Variants in EMID1 observed in about 807,000 individuals in gnomAD.
EMID1 encodes the protein EMI domain-containing protein 1.
A neutral mutation model predicts 60.6 loss-of-function variants in EMID1; 40 were observed. That is an observed-to-expected ratio of 0.66 (90% CI 0.51 to 0.86). The LOEUF (loss-of-function observed/expected upper bound fraction) is 0.86. Among genes scored for constraint, EMID1 ranks in the 40% least tolerant of loss-of-function variants. The pLI is 0.00. For missense variants in EMID1, 585 were observed against 597.1 expected (o/e 0.98, Z 0.21); for synonymous variants, 242 against 231.0 (o/e 1.05, Z -0.43).
At chr22:29,244,900 T>A (rs1455325695) in intron 13 of EMID1, among the ~76,000 whole-genome samples, 1 of 152,118 alleles carries the variant, frequency 6.6e-6, no homozygotes, top group Non-Finnish European at 1.5e-5. Context: ...TAGGAAGCTC[T>A]TTTTGGCGGT....
chr22:29,245,614 G>C (rs977547222), intron 13 of EMID1, among the ~76,000 whole-genome samples: 2 of 152,196 alleles, frequency 1.3e-5, no homozygotes, highest in African/African-American at 4.8e-5. Flanking sequence ...TGGGAATGAG[G>C]TTCAGTGCTG....
intron 13 of EMID1, among the ~76,000 whole-genome samples, chr22:29,252,072 G>C (rs2041548443): frequency 6.6e-6 from 1 of 152,212 alleles, no homozygotes; most frequent in Non-Finnish European, 1.5e-5. Flanking sequence ...GCCTCCCAAA[G>C]CACTGAGATT....
chr22:29,229,296 A>G (rs925794755), intron 5 of EMID1, among the ~76,000 whole-genome samples: 2 of 152,006 alleles, frequency 1.3e-5, no homozygotes, highest in Non-Finnish European at 2.9e-5. Flanking sequence ...TCGTGATAGC[A>G]CCACTGCACT....
chr22:29,205,911 T>C lies in EMID1; in HGVS notation c.-128T>C. 1 of 322,730 alleles carries C rather than the reference T, an allele frequency of 3.1e-6. No homozygotes were observed. Among genetic ancestry groups the C allele is most frequent in the Non-Finnish European group, 4.4e-6 (1 of 226,818 alleles). 20.0% of individuals were successfully genotyped at this position (322,730 alleles called of 1,614,324 possible). A position where few individuals can be genotyped will look rare whatever the true frequency, so the allele number is the denominator to read the frequency against. On this transcript the variant is annotated 5_prime_UTR_variant, in exon 1 of 15. Transcript: ENST00000334018. Reference sequence around the variant, plus strand: ...CCGCCCGCCCGCCTCCTGCCCGCCCTCCGGCCGCGGAGCTGGAAACCGGGC... The same window carrying C: ...CCGCCCGCCCGCCTCCTGCCCGCCCCCCGGCCGCGGAGCTGGAAACCGGGC...
intron 3 of EMID1, among the ~76,000 whole-genome samples, chr22:29,217,339 A>G (rs2040124944): frequency 6.6e-6 from 1 of 152,232 alleles, no homozygotes; most frequent in Non-Finnish European, 1.5e-5. Context: ...CAGGCAATGG[A>G]GCCAGGCCAG....
At chr22:29,206,389 G>A (rs539807587) in intron 1 of EMID1, among the ~76,000 whole-genome samples, 3 of 152,330 alleles carry the variant, frequency 2.0e-5, no homozygotes, top group Admixed American at 1.3e-4. Flanking sequence ...GGGAAGGGGC[G>A]CAACGAGGGC....
At chr22:29,219,362 C>T (rs2040204259) in intron 3 of EMID1, among the ~76,000 whole-genome samples, 2 of 152,140 alleles carry the variant, frequency 1.3e-5, no homozygotes, top group African/African-American at 4.8e-5. Context: ...GCCTCTGCTT[C>T]CCCCTCATAG....
chr22:29,243,022 G>A (rs532920289), intron 12 of EMID1, among the ~76,000 whole-genome samples: 4 of 152,164 alleles, frequency 2.6e-5, no homozygotes, highest in African/African-American at 4.8e-5. Context: ...GAACATTTAT[G>A]CAGATTTAGT....
Position 29,247,669 on chromosome 22 carries a change from C to T in EMID1, c.1119+4180C>T, listed in dbSNP as rs536242849. Among the ~76,000 whole-genome samples, 28 of 152,326 alleles carry T rather than the reference C, an allele frequency of 1.8e-4. No individual in the cohort carries two copies. The South Asian group carries it at 2.7e-3, about 15-fold the overall frequency. Reference sequence around the variant, plus strand: ...TGTTTAGGACAAAATCTTGCTCTGTCGCCCAGGGTGGAGTGCAGTGGTGTG... The same window carrying T: ...TGTTTAGGACAAAATCTTGCTCTGTTGCCCAGGGTGGAGTGCAGTGGTGTG... On this transcript the variant is annotated intron_variant, in intron 13 of 14. Transcript: ENST00000334018.
At chr22:29,254,711 A>G in intron 14 of EMID1, 1 of 199,084 alleles carries the variant, frequency 5.0e-6, no homozygotes, top group Non-Finnish European at 1.0e-5. Flanking sequence ...GGACAACAGG[A>G]GGATTATAGG....
chr22:29,209,114 C>T (rs569674101), intron 1 of EMID1, among the ~76,000 whole-genome samples: 2 of 152,216 alleles, frequency 1.3e-5, no homozygotes, highest in Admixed American at 6.5e-5. Flanking sequence ...GCCCCGGGCC[C>T]GCTTGGCTGC....
chr22:29,243,196 G>C (rs2041214066), intron 12 of EMID1, among the ~76,000 whole-genome samples: 1 of 152,172 alleles, frequency 6.6e-6, no homozygotes, highest in Non-Finnish European at 1.5e-5. Flanking sequence ...AGGAAAAGCT[G>C]TAAATACATG....
rs2040732017 is a variant in EMID1, at chr22:29,231,324, A to G, written c.586+184A>G. On this transcript the variant is annotated intron_variant, in intron 6 of 14. Coordinates refer to ENST00000334018, the MANE Select transcript of EMID1 (RefSeq NM_133455.4). ...GTCTCCTGGGACTCCTGAATGCTGC[A>G]GTCCCTGGAGACCAAGCAGCCCCAG... 7 of 971,130 alleles carry G rather than the reference A, an allele frequency of 7.2e-6. No homozygotes were observed. The East Asian group carries it at 1.9e-4, about 26-fold the overall frequency. The allele number at this position is 971,130 out of a possible 1,614,324, so 60.2% of individuals were successfully genotyped here.
At position 29,233,462 on chromosome 22, in the gene EMID1, C is replaced by T; in HGVS notation, c.907C>T (p.Pro303Ser). ...CACTGGGCCTCCAGGCCCTCCAGGG[C>T]CCATGGGTAAGTTGAGTCCAGGCCA... ...GPTGPPGPPG[P>S]MGPPGPPGPT... The change falls in exon 9 of 15, where the codon CCC becomes TCC. Residue 303 changes from proline to serine, a missense_variant. Pro to Ser is a moderately conservative substitution (Grantham distance 74, BLOSUM62 -1). Transcript: ENST00000334018. 6.2e-7 allele frequency: 1 copy of T among 1,614,144 alleles called. No individual in the cohort carries two copies. Among genetic ancestry groups the T allele is most frequent in the Non-Finnish European group, 8.5e-7 (1 of 1,179,976 alleles).
chr22:29,223,934 T>C (rs1024242793), intron 3 of EMID1, among the ~76,000 whole-genome samples: 1 of 152,242 alleles, frequency 6.6e-6, no homozygotes, highest in African/African-American at 2.4e-5. Flanking sequence ...AGCCAGGCTA[T>C]ACAAGGTCCT....
At chr22:29,213,339 G>A (rs891093952) in intron 1 of EMID1, among the ~76,000 whole-genome samples, 2 of 152,110 alleles carry the variant, frequency 1.3e-5, no homozygotes, top group African/African-American at 4.8e-5. Flanking sequence ...CCTCTGCATG[G>A]GATGGCTGGC....
intron 12 of EMID1, among the ~76,000 whole-genome samples, chr22:29,239,757 C>CA (rs1422580836): frequency 7.0e-6 from 1 of 143,840 alleles, no homozygotes; most frequent in African/African-American, 2.5e-5. Flanking sequence ...GATTAGATCT[C>CA]AGTCTTTTTT....
chr22:29,223,346 G>A (rs916692076), intron 3 of EMID1, among the ~76,000 whole-genome samples: 4 of 152,222 alleles, frequency 2.6e-5, no homozygotes, highest in Admixed American at 6.5e-5. Flanking sequence ...GGGAGCAGCC[G>A]AAGCTTCATC....
chr22:29,215,102 T>C, intron 2 of EMID1, 63 bp downstream of exon 2: 1 of 1,478,884 alleles, frequency 6.8e-7, no homozygotes, highest in Non-Finnish European at 9.1e-7. Flanking sequence ...GGCAAAGGCC[T>C]GGTTGGGGGA....
Sources: allele counts gnomAD v4.1 joint callset (sites outside exome capture counted in the v4.1 genomes callset), GRCh38; gene constraint gnomAD v4.1.1; transcripts MANE v1.5; gene names NCBI Gene and HGNC (gene_info 2026-07-23, HGNC 2026-07-21).